ATRNL1: variants seen among roughly 807,000 people sequenced by gnomAD.
ATRNL1 encodes attractin like 1.
A neutral mutation model predicts 182.7 loss-of-function variants in ATRNL1; 95 were observed. The observed-to-expected ratio is 0.52, with a 90% CI of 0.44 to 0.62. The LOEUF (loss-of-function observed/expected upper bound fraction) is 0.62, where lower values mean the gene tolerates loss of function less well. Ranked by LOEUF, ATRNL1 falls within the 20% of genes least tolerant of loss-of-function variation. ATRNL1 has a pLI of 0.00. For synonymous variants in ATRNL1, 576 were observed against 568.3 expected, an observed-to-expected ratio of 1.01 and a Z score of -0.19; for missense variants, 1,471 against 1,679.5, an observed-to-expected ratio of 0.88 and a Z score of 2.17.
chr10:115,211,848 T>A (rs1849039398), intron 8 of ATRNL1, among the ~76,000 whole-genome samples: 1 of 150,720 alleles, frequency 6.6e-6, no homozygotes, highest in Non-Finnish European at 1.5e-5. Flanking sequence ...ACCTATGAGT[T>A]TAAAAACTCT....
At chr10:115,901,168 C>A (rs1432890492) in intron 28 of ATRNL1, among the ~76,000 whole-genome samples, 1 of 152,130 alleles carries the variant, frequency 6.6e-6, no homozygotes, top group Non-Finnish European at 1.5e-5. Flanking sequence ...TTTGGTCCTA[C>A]TATGTAAAAA....
Position 115,109,574 on chromosome 10 carries a change from A to G in ATRNL1, c.294-10611A>G, listed in dbSNP as rs540131067. ...CTAATCATCTCTCATTAGGTTCCACATCCCCACACTGTTGTATCGGGGATT... is the reference window on the plus strand; with the variant it reads ...CTAATCATCTCTCATTAGGTTCCACGTCCCCACACTGTTGTATCGGGGATT... On this transcript the variant is annotated intron_variant, in intron 1 of 28. Transcript: ENST00000355044. Among the ~76,000 whole-genome samples the G allele has an allele frequency of 1.2e-4, 18 of 152,274 alleles. No homozygotes were observed. The South Asian group carries it at 2.5e-3, about 21-fold the overall frequency.
At chr10:115,408,007 T>G (rs1321530092) in intron 20 of ATRNL1, among the ~76,000 whole-genome samples, 27 of 113,256 alleles carry the variant, frequency 2.4e-4, no homozygotes, top group African/African-American at 8.2e-4. Context: ...TTTTTTTTTT[T>G]TTTTTTTGAG....
At chr10:115,460,060 G>A (rs1193966880) in intron 21 of ATRNL1, among the ~76,000 whole-genome samples, 1 of 152,074 alleles carries the variant, frequency 6.6e-6, no homozygotes, top group Non-Finnish European at 1.5e-5. Flanking sequence ...TAAATTCTGG[G>A]TTTCTTTTTC....
intron 25 of ATRNL1, among the ~76,000 whole-genome samples, chr10:115,538,019 T>G (rs1554990998): frequency 6.6e-6 from 1 of 152,208 alleles, no homozygotes; most frequent in African/African-American, 2.4e-5. Flanking sequence ...AAGGTGCTTT[T>G]TTGTATCAAT....
At chr10:115,345,802 C>A (rs1027966338) in intron 19 of ATRNL1, among the ~76,000 whole-genome samples, 11 of 152,170 alleles carry the variant, frequency 7.2e-5, no homozygotes, top group Non-Finnish European at 1.6e-4. Context: ...TCTGTCTTTA[C>A]AAATTTACTT....
chr10:115,795,540 A>G (rs535068575), intron 27 of ATRNL1, among the ~76,000 whole-genome samples: 1 of 152,286 alleles, frequency 6.6e-6, no homozygotes, highest in South Asian at 2.1e-4. Flanking sequence ...TGCGTAATTT[A>G]TAAAGAAAAG....
At chr10:115,772,593 C>CTCTGTGTGTGTGTGTGTG (rs1555076680) in intron 27 of ATRNL1, among the ~76,000 whole-genome samples, 151 of 125,658 alleles carry the variant, frequency 1.2e-3, no homozygotes, top group African/African-American at 4.6e-3. Flanking sequence ...AATATATACT[C>CTCTGTGTGTGTGTGTGTG]TGTCTGTGTG....
intron 28 of ATRNL1, among the ~76,000 whole-genome samples, chr10:115,880,991 C>G (rs1361323310): frequency 6.6e-6 from 1 of 152,146 alleles, no homozygotes; most frequent in Non-Finnish European, 1.5e-5. Flanking sequence ...ATGTCCTAAT[C>G]CCCCCGGGGT....
chr10:115,595,795 AG>A (rs1856201437), intron 26 of ATRNL1, among the ~76,000 whole-genome samples: 1 of 146,836 alleles, frequency 6.8e-6, no homozygotes, highest in African/African-American at 2.5e-5. Flanking sequence ...CAATTTGAAA[AG>A]GTTAGAATTA....
intron 20 of ATRNL1, among the ~76,000 whole-genome samples, chr10:115,419,428 T>C (rs1476765267): frequency 3.9e-5 from 6 of 152,182 alleles, no homozygotes; most frequent in Non-Finnish European, 1.5e-5. Flanking sequence ...ATCCCTTACC[T>C]ATCAATAACT....
At chr10:115,883,149 C>A (rs1199287273) in intron 28 of ATRNL1, among the ~76,000 whole-genome samples, 1 of 152,178 alleles carries the variant, frequency 6.6e-6, no homozygotes, top group Non-Finnish European at 1.5e-5. Context: ...GGACCCTGGA[C>A]AACTCTATAC....
chr10:115,289,862 T>C (rs1278522321), intron 15 of ATRNL1, among the ~76,000 whole-genome samples: 1 of 152,178 alleles, frequency 6.6e-6, no homozygotes, highest in Non-Finnish European at 1.5e-5. Flanking sequence ...CTTTGGCTAT[T>C]AGGGCTCTTT....
At position 115,913,571 on chromosome 10, in the gene ATRNL1, G is replaced by A. The variant is rs530979617; in HGVS notation, c.4019-31087G>A. ...TCATTTAATCATCTGTGCAATACCTGGCAGAGAGGAAACAGTACATGGTAG... is the reference window on the plus strand; with the variant it reads ...TCATTTAATCATCTGTGCAATACCTAGCAGAGAGGAAACAGTACATGGTAG... On this transcript the variant is annotated intron_variant, in intron 28 of 28. Transcript: ENST00000355044. Among the ~76,000 whole-genome samples, 7 of 152,318 alleles carry A rather than the reference G, an allele frequency of 4.6e-5. No individual in the cohort carries two copies. In the South Asian group the frequency reaches 6.2e-4, roughly 14 times the overall value.
At chr10:115,755,742 T>A (rs1948571940) in intron 27 of ATRNL1, among the ~76,000 whole-genome samples, 1 of 152,212 alleles carries the variant, frequency 6.6e-6, no homozygotes, top group Non-Finnish European at 1.5e-5. Flanking sequence ...TCAAAAGGAA[T>A]GGTACCAGCT....
chr10:115,322,185 G>T (rs1272463343), intron 18 of ATRNL1, among the ~76,000 whole-genome samples: 1 of 151,612 alleles, frequency 6.6e-6, no homozygotes, highest in Non-Finnish European at 1.5e-5. Flanking sequence ...CTTCATTTTG[G>T]TCTTATTTTT....
intron 26 of ATRNL1, among the ~76,000 whole-genome samples, chr10:115,615,472 C>G (rs1185343478): frequency 6.6e-6 from 1 of 151,868 alleles, no homozygotes; most frequent in Non-Finnish European, 1.5e-5. Flanking sequence ...TGTACAGTTT[C>G]TGTTGAGAAA....
At chr10:115,158,784 A>G (rs1306017719) in intron 5 of ATRNL1, among the ~76,000 whole-genome samples, 1 of 151,978 alleles carries the variant, frequency 6.6e-6, no homozygotes, top group African/African-American at 2.4e-5. Flanking sequence ...ATTGAAGATT[A>G]ACTGCCTGAT....
intron 26 of ATRNL1, among the ~76,000 whole-genome samples, chr10:115,592,933 G>GTCTA (rs142526952): frequency 1.8e-4 from 28 of 151,532 alleles, no homozygotes; most frequent in East Asian, 5.9e-4. Context: ...CTATCTGTCT[G>GTCTA]TCTGTCTATC....
Sources: gnomAD v4.1 joint callset for allele counts (sites outside exome capture counted in the v4.1 genomes callset) on GRCh38, gnomAD v4.1.1 for gene constraint, MANE v1.5 for transcripts, NCBI Gene and HGNC (gene_info 2026-07-23, HGNC 2026-07-21) for gene names.